Variants in MDGA1 observed in about 807,000 individuals in gnomAD.
MDGA1 encodes the protein MAM domain-containing glycosylphosphatidylinositol anchor protein 1.
MDGA1 carries 54 observed loss-of-function variants against 101.5 expected under a neutral mutation model. The observed-to-expected ratio is 0.53, with a 90% CI of 0.43 to 0.67. The LOEUF is 0.67. Ranked by LOEUF, MDGA1 falls within the 30% of genes least tolerant of loss-of-function variation. The pLI is 0.00. For missense variants in MDGA1, 1,083 were observed against 1,323.8 expected (o/e 0.82, Z 2.82); for synonymous variants, 533 against 558.3 (o/e 0.95, Z 0.64).
rs75311932 is a variant in MDGA1, at chr6:37,651,691, C to T, written c.1312+320G>A. 9.3e-3 allele frequency among the ~76,000 whole-genome samples: 1,420 copies of T among 152,294 alleles called. 17 individuals carry two copies. The highest frequency in any genetic ancestry group is 0.057 in the South Asian group (276 of 4,818). On this transcript the variant is annotated intron_variant, in intron 7 of 16. Transcript: ENST00000434837. ...AGAGTAGTCTCTCCCTTTGAGGCTG[C>T]ACTGCCCTCAGGGAACTCTTTCCAG...
Position 37,649,445 on chromosome 6 carries a change from G to A in MDGA1, c.1610-179C>T, listed in dbSNP as rs548831795. On this transcript the variant is annotated intron_variant, in intron 8 of 16. Transcript: ENST00000434837. ...TGGCCACGATCTTACCTCCCAACCT[G>A]CAGATACCCACTCCCTCCTGGCCAT... Among the ~76,000 whole-genome samples, 40 of 152,330 alleles carry A rather than the reference G, an allele frequency of 2.6e-4. No individual in the cohort carries two copies. In the South Asian group the frequency reaches 7.0e-3, roughly 27 times the overall value.
intron 1 of MDGA1, among the ~76,000 whole-genome samples, chr6:37,686,356 C>CTT (rs34675820): frequency 6.1e-4 from 89 of 146,968 alleles, no homozygotes; most frequent in East Asian, 5.6e-3. Flanking sequence ...CACGTAGGGA[C>CTT]TTTTTTTTTT....
At chr6:37,648,720 T>C (rs1178211418) in intron 9 of MDGA1, 4 of 587,336 alleles carry the variant, frequency 6.8e-6, no homozygotes, top group Non-Finnish European at 8.5e-6. Flanking sequence ...GGCCTCAACC[T>C]CAAGGGAAGG....
intron 1 of MDGA1, among the ~76,000 whole-genome samples, chr6:37,691,418 G>A (rs1038375116): frequency 1.3e-5 from 2 of 152,218 alleles, no homozygotes; most frequent in Non-Finnish European, 2.9e-5. Flanking sequence ...GGTAAGTCAT[G>A]TGGCACTTAC....
chr6:37,669,224 T>C (rs1761820295), intron 1 of MDGA1, among the ~76,000 whole-genome samples: 1 of 152,186 alleles, frequency 6.6e-6, no homozygotes, highest in Non-Finnish European at 1.5e-5. Context: ...GAGTGGTGTT[T>C]GCACAGTGTC....
chr6:37,644,782 A>G, intron 12 of MDGA1, 133 bp from the exon 13 acceptor site: 3 of 970,312 alleles, frequency 3.1e-6, no homozygotes, highest in Non-Finnish European at 4.2e-6. Context: ...GCTTCAAAAG[A>G]CCAGGCATGG....
chr6:37,671,392 G>A (rs368327584), intron 1 of MDGA1, among the ~76,000 whole-genome samples: 7 of 152,188 alleles, frequency 4.6e-5, no homozygotes, highest in African/African-American at 1.4e-4. Flanking sequence ...TGTAAAATTA[G>A]TGGAGAAAAG....
chr6:37,678,348 C>A lies in MDGA1; in HGVS notation c.68-14242G>T, dbSNP rs114248622. On this transcript the variant is annotated intron_variant, in intron 1 of 16. Transcript: ENST00000434837. The stretch of plus-strand genomic sequence containing the variant: ...AATCAGGAATCTGCCCCCTGCGATG[C>A]CACCCTAGTCTTAGCCCCCACTCCC... 2.6e-3 allele frequency among the ~76,000 whole-genome samples: 402 copies of A among 152,276 alleles called. 3 individuals carry two copies. Among genetic ancestry groups the A allele is most frequent in the African/African-American group, 9.2e-3 (383 of 41,550 alleles).
At chr6:37,675,269 C>G (rs530966049) in intron 1 of MDGA1, among the ~76,000 whole-genome samples, 1 of 152,272 alleles carries the variant, frequency 6.6e-6, no homozygotes, top group African/African-American at 2.4e-5. Context: ...GTTGTTTAAC[C>G]TCCTTTAGCC....
At chr6:37,689,418 A>C (rs539836082) in intron 1 of MDGA1, among the ~76,000 whole-genome samples, 25 of 152,296 alleles carry the variant, frequency 1.6e-4, no homozygotes, top group African/African-American at 6.0e-4. Flanking sequence ...GAATCCCATG[A>C]AGTTCAAAAC....
rs1345681215 is a variant in MDGA1, at chr6:37,633,375, G to A, written c.*3993C>T. 6.6e-6 allele frequency: 1 copy of A among 152,120 alleles called. No individual in the cohort carries two copies. Among genetic ancestry groups the A allele is most frequent in the East Asian group, 1.9e-4 (1 of 5,184 alleles). The allele number at this position is 152,120 out of a possible 1,614,324, so 9.4% of individuals were successfully genotyped here. A position where few individuals can be genotyped will look rare whatever the true frequency, so the allele number is the denominator to read the frequency against. Reference sequence around the variant, plus strand: ...GGACTCTCCAGAGCAAAGACCCTGGGAATACTCCCCAGCCCCTCAAGCTGC... The same window carrying A: ...GGACTCTCCAGAGCAAAGACCCTGGAAATACTCCCCAGCCCCTCAAGCTGC... On this transcript the variant is annotated 3_prime_UTR_variant, in exon 17 of 17. Coordinates refer to ENST00000434837, the MANE Select transcript of MDGA1 (RefSeq NM_153487.4).
intron 3 of MDGA1, among the ~76,000 whole-genome samples, chr6:37,656,805 A>G (rs1761499509): frequency 6.6e-6 from 1 of 152,178 alleles, no homozygotes; most frequent in African/African-American, 2.4e-5. Flanking sequence ...ATCCTAGTTT[A>G]GCTGTTAATT....
intron 1 of MDGA1, among the ~76,000 whole-genome samples, chr6:37,690,841 C>T (rs1200648302): frequency 6.6e-6 from 1 of 151,948 alleles, no homozygotes; most frequent in Non-Finnish European, 1.5e-5. Context: ...GCTTATGCTC[C>T]AGCCCAACTG....
chr6:37,664,310 G>T (rs1335282629), intron 1 of MDGA1: 3 of 593,152 alleles, frequency 5.1e-6, no homozygotes, highest in Non-Finnish European at 8.8e-6. Flanking sequence ...CTCAGGAAAG[G>T]GACAGTTCCC....
At chr6:37,663,895 CTCT>C in intron 2 of MDGA1, 69 bp downstream of exon 2, 26 of 1,560,544 alleles carry the variant, frequency 1.7e-5, no homozygotes, top group Non-Finnish European at 2.3e-5. Flanking sequence ...CTCCTGCTGC[CTCT>C]TCTTAAGTGC....
intron 1 of MDGA1, among the ~76,000 whole-genome samples, chr6:37,694,536 G>A (rs73730804): frequency 1.3e-5 from 2 of 152,130 alleles, no homozygotes; most frequent in Non-Finnish European, 2.9e-5. Flanking sequence ...TGCTGGGGAG[G>A]GGGGCAGAAG....
At chr6:37,646,519 T>C (rs1386252982) in intron 10 of MDGA1, 144 bp from the exon 11 acceptor site, 3 of 595,662 alleles carry the variant, frequency 5.0e-6, no homozygotes, top group Non-Finnish European at 8.0e-6. Context: ...CACTGAAACA[T>C]TAATAAGTGT....
In MDGA1 at chr6:37,662,358, A is replaced by C. The variant is rs183353930; in HGVS notation, c.207+1609T>G. Among the ~76,000 whole-genome samples the C allele has an allele frequency of 5.0e-3, 758 of 152,238 alleles. 1 individual carries two copies. Among genetic ancestry groups the C allele is most frequent in the Middle Eastern group, 0.034 (10 of 294 alleles). ...TACAGTGCTTCACATCTGTAATCTC[A>C]GCACTTAGGGAGGCTGAAGCAGGAG... On this transcript the variant is annotated intron_variant, in intron 2 of 16. Transcript: ENST00000434837.
intron 14 of MDGA1, among the ~76,000 whole-genome samples, chr6:37,642,130 A>T (rs1019492275): frequency 1.5e-5 from 2 of 131,118 alleles, no homozygotes; most frequent in African/African-American, 5.4e-5. Context: ...AAATGGGAGG[A>T]AATAGATTAT....
Sources: allele counts gnomAD v4.1 joint callset (sites outside exome capture counted in the v4.1 genomes callset), GRCh38; gene constraint gnomAD v4.1.1; transcripts MANE v1.5; gene names NCBI Gene and HGNC (gene_info 2026-07-23, HGNC 2026-07-21).